The following CCND3 variants were observed in gnomAD, a reference collection of about 807,000 sequenced individuals.
The protein encoded by CCND3 is cyclin D3, also known as G1/S-specific cyclin-D3.
CCND3 carries 9 observed loss-of-function variants against 28.7 expected under a neutral mutation model. The ratio of observed to expected loss-of-function variants is 0.31; its 90% CI spans 0.19 to 0.55. CCND3 has a LOEUF of 0.55. Among genes scored for constraint, CCND3 ranks in the 20% least tolerant of loss-of-function variants. CCND3 has a pLI of 0.93. For missense variants in CCND3, 315 were observed against 385.8 expected (o/e 0.82, Z 1.54); for synonymous variants, 164 against 163.9 (o/e 1.00, Z 0.00).
At chr6:42,047,558 C>T (rs550014184) in intron 1 of CCND3, among the ~76,000 whole-genome samples, 1 of 152,282 alleles carries the variant, frequency 6.6e-6, no homozygotes, top group Non-Finnish European at 1.5e-5. Flanking sequence ...TGGACTGTCA[C>T]ATCACCCCCA....
chr6:41,941,234 G>A lies in CCND3; in HGVS notation c.198+218C>T. ...GCCCGAAGAGAGGCACAGTTAGGGT[G>A]CCAAGTGACTGGCAGTCACTGTCGG... On this transcript the variant is annotated intron_variant, in intron 1 of 4. Coordinates refer to ENST00000372991, the MANE Select transcript of CCND3 (RefSeq NM_001760.5). The surrounding 1 kb of genome is among the most constrained non-coding windows in gnomAD (Gnocchi z 6.1). 7.0e-7 allele frequency: 1 copy of A among 1,433,488 alleles called. No homozygotes were observed. Among genetic ancestry groups the A allele is most frequent in the East Asian group, 2.5e-5 (1 of 39,524 alleles). 88.8% of individuals were successfully genotyped at this position (1,433,488 alleles called of 1,614,324 possible).
intron 1 of CCND3, among the ~76,000 whole-genome samples, chr6:42,025,714 G>T (rs1763857183): frequency 6.6e-6 from 1 of 152,204 alleles, no homozygotes; most frequent in Non-Finnish European, 1.5e-5. Flanking sequence ...GGCCTTTTGG[G>T]CTCTGAGTCA....
Position 41,988,113 on chromosome 6 carries a change from CG to C in CCND3, c.-45-47529del, listed in dbSNP as rs552623390. On this transcript the variant is annotated intron_variant, in intron 1 of 4. Coordinates refer to the CCND3 transcript ENST00000372988. ...GGCGGATCACCTGAGGTCAGGAGTT[CG>C]AGACCAACCTGACCAACATGGAGAA... Among the ~76,000 whole-genome samples, 129 of 151,878 alleles carry C rather than the reference CG, an allele frequency of 8.5e-4. 1 individual carries two copies. The highest frequency in any genetic ancestry group is 1.4e-3 in the Admixed American group (22 of 15,182).
chr6:41,982,045 A>ATTGGGAGGCTGAGGCGGGCG (rs1762363088), intron 1 of CCND3, among the ~76,000 whole-genome samples: 2 of 151,332 alleles, frequency 1.3e-5, no homozygotes, highest in South Asian at 4.2e-4. Flanking sequence ...TGAGGCGGGC[A>ATTGGGAGGCTGAGGCGGGCG]GATCACCTGA....
intron 1 of CCND3, among the ~76,000 whole-genome samples, chr6:41,966,717 T>A (rs1322278853): frequency 6.6e-6 from 1 of 152,230 alleles, no homozygotes; most frequent in African/African-American, 2.4e-5. Flanking sequence ...CTAGACTGGA[T>A]GTGGTTATTC....
chr6:41,944,200 G>A (rs936642980), upstream of CCND3, among the ~76,000 whole-genome samples: 27 of 151,964 alleles, frequency 1.8e-4, no homozygotes, highest in East Asian at 1.5e-3. Context: ...AGCTGGGTGC[G>A]GTGGCACAAG....
At chr6:41,987,547 GTGTGTGTGT>G (rs1762526364) in intron 1 of CCND3, among the ~76,000 whole-genome samples, 1 of 145,906 alleles carries the variant, frequency 6.9e-6, no homozygotes, top group African/African-American at 2.5e-5. Flanking sequence ...GTGTGTGTGT[GTGTGTGTGT>G]TTTAGAGACA....
intron 1 of CCND3, among the ~76,000 whole-genome samples, chr6:42,018,252 G>A (rs965321696): frequency 5.3e-5 from 8 of 151,360 alleles, no homozygotes; most frequent in African/African-American, 1.9e-4. Context: ...GAGTGCAGTG[G>A]CACAATCTCG....
rs1185904552 is a variant in CCND3 at position 41,936,201 on chromosome 6, G to A, written c.712-94C>T. 9 of 1,371,712 alleles carry A rather than the reference G, an allele frequency of 6.6e-6. No homozygotes were observed. The highest frequency in any genetic ancestry group is 2.3e-5 in the Admixed American group (1 of 43,210). The allele number at this position is 1,371,712 out of a possible 1,614,324, so 85.0% of individuals were successfully genotyped here. ...AGGACAGCTCCCAACACATGGGGAA[G>A]TCTGGGGAGGTTAGGCCACAGCCCG... On this transcript the variant is annotated intron_variant, in intron 4 of 4. Coordinates refer to ENST00000372991, the MANE Select transcript of CCND3 (RefSeq NM_001760.5). This position sits in a 1 kb window ranked among gnomAD's most constrained non-coding sequence, Gnocchi z 4.4.
Position 41,941,083 on chromosome 6 carries a change from C to T in CCND3, c.198+369G>A. The stretch of plus-strand genomic sequence containing the variant: ...CGCGAAAGACACAGGAACCGGCTCC[C>T]GGGCGGGGGCGGCCGAGCCCAGGGT... On this transcript the variant is annotated intron_variant, in intron 1 of 4. Coordinates refer to ENST00000372991, the MANE Select transcript of CCND3 (RefSeq NM_001760.5). The surrounding 1 kb of genome is among the most constrained non-coding windows in gnomAD (Gnocchi z 6.1). 1 of 1,553,330 alleles carries T rather than the reference C, an allele frequency of 6.4e-7. No homozygotes were observed.
upstream of CCND3, among the ~76,000 whole-genome samples, chr6:41,944,667 C>G (rs1018622863): frequency 2.4e-4 from 36 of 152,294 alleles, no homozygotes; most frequent in African/African-American, 8.2e-4. Context: ...AGTGATCTGC[C>G]TGCCTCAGCT....
At chr6:42,015,145 C>T (rs893111886) in intron 1 of CCND3, among the ~76,000 whole-genome samples, 2 of 152,126 alleles carry the variant, frequency 1.3e-5, no homozygotes, top group African/African-American at 4.8e-5. Flanking sequence ...GTTAAAAGAA[C>T]TTGCTCAAGG....
Position 41,941,393 on chromosome 6 carries a change from C to A in CCND3, c.198+59G>T, listed in dbSNP as rs1239573912. 2 of 1,578,952 alleles carry A rather than the reference C, an allele frequency of 1.3e-6. No homozygotes were observed. The highest frequency in any genetic ancestry group is 2.3e-5 in the East Asian group (1 of 43,006). ...TGGGGACCGGGATGTCCCGACAGGG[C>A]GGCCCCGGTGTGTCCAGACCCGGGA... On this transcript the variant is annotated intron_variant, in intron 1 of 4. Transcript: ENST00000372991. This position sits in a 1 kb window ranked among gnomAD's most constrained non-coding sequence, Gnocchi z 6.1.
intron 1 of CCND3, among the ~76,000 whole-genome samples, chr6:41,987,740 G>C (rs1374905351): frequency 1.3e-5 from 2 of 151,320 alleles, no homozygotes; most frequent in African/African-American, 2.4e-5. Context: ...GGGCTCAAGT[G>C]ATCTTCCTGC....
At chr6:42,008,044 T>C (rs1289261733) in intron 1 of CCND3, among the ~76,000 whole-genome samples, 1 of 152,086 alleles carries the variant, frequency 6.6e-6, no homozygotes, top group Non-Finnish European at 1.5e-5. Flanking sequence ...TTCTGTTTCC[T>C]TTATTGCCTA....
rs186152686 is a variant in CCND3 at position 42,032,058 on chromosome 6, T to C, written c.-46+16443A>G. 3.7e-3 allele frequency among the ~76,000 whole-genome samples: 562 copies of C among 152,244 alleles called. 9 individuals carry two copies. Among genetic ancestry groups the C allele is most frequent in the African/African-American group, 0.013 (530 of 41,524 alleles). On this transcript the variant is annotated intron_variant, in intron 1 of 4. Transcript: ENST00000372988. ...CACCTGCCTTGGCCTCCCAAAGTGCTGGGATTACAGGCGTGAGTCGCTGCA... is the reference window on the plus strand; with the variant it reads ...CACCTGCCTTGGCCTCCCAAAGTGCCGGGATTACAGGCGTGAGTCGCTGCA...
At chr6:41,974,387 G>A (rs1044705676) in intron 1 of CCND3, among the ~76,000 whole-genome samples, 2 of 152,098 alleles carry the variant, frequency 1.3e-5, no homozygotes, top group Non-Finnish European at 2.9e-5. Flanking sequence ...ATCTCAGGTG[G>A]GCTTTCTGGC....
chr6:41,987,830 T>C (rs1490204465), intron 1 of CCND3, among the ~76,000 whole-genome samples: 1 of 151,774 alleles, frequency 6.6e-6, no homozygotes, highest in Non-Finnish European at 1.5e-5. Flanking sequence ...TGGTGAATTA[T>C]ATACACCTGG....
intron 1 of CCND3, among the ~76,000 whole-genome samples, chr6:41,962,759 AT>A (rs11440956): frequency 6.6e-6 from 1 of 151,140 alleles, no homozygotes; most frequent in Non-Finnish European, 1.5e-5. Context: ...CAAAAAAATA[AT>A]TTTTTTTTGA....
Sources: gnomAD v4.1 joint callset for allele counts (sites outside exome capture counted in the v4.1 genomes callset) on GRCh38, gnomAD v4.1.1 for gene constraint, Gnocchi (gnomAD v3.1) non-coding constraint, MANE v1.5 for transcripts, NCBI Gene and HGNC (gene_info 2026-07-23, HGNC 2026-07-21) for gene names.